Variants in IFT80 observed in about 807,000 individuals in gnomAD.
The protein encoded by IFT80 is intraflagellar transport protein 80 homolog.
A neutral mutation model predicts 107.9 loss-of-function variants in IFT80; 79 were observed. The ratio of observed to expected loss-of-function variants is 0.73; its 90% confidence interval spans 0.61 to 0.88. The LOEUF is 0.88. Ranked by LOEUF, IFT80 falls within the 40% of genes least tolerant of loss-of-function variation. The probability of loss-of-function intolerance (pLI) is 0.00; values close to 1 mark genes in which losing one functional copy is unlikely to be tolerated. For missense variants in IFT80, 797 were observed against 914.2 expected, an observed-to-expected ratio of 0.87 and a Z score of 1.65; for synonymous variants, 299 against 300.9, an observed-to-expected ratio of 0.99 and a Z score of 0.07.
chr3:160,334,658 G>A (rs1000291454), intron 8 of IFT80, among the ~76,000 whole-genome samples: 19 of 152,016 alleles, frequency 1.2e-4, no homozygotes, highest in Middle Eastern at 3.2e-3. Context: ...CTTGTGATCC[G>A]CCCTCCTCAG....
At chr3:160,398,797 T>C (rs1714095045) in intron 1 of IFT80, among the ~76,000 whole-genome samples, 1 of 152,312 alleles carries the variant, frequency 6.6e-6, no homozygotes, top group South Asian at 2.1e-4. Flanking sequence ...AAAATAACCA[T>C]AACACTGGCG....
At chr3:160,308,908 T>C (rs977520506) in intron 9 of IFT80, among the ~76,000 whole-genome samples, 2 of 152,190 alleles carry the variant, frequency 1.3e-5, no homozygotes, top group African/African-American at 2.4e-5. Context: ...AGAGCTGCCT[T>C]GCCCATTCCA....
At chr3:160,397,015 C>A (rs889387273) in intron 1 of IFT80, among the ~76,000 whole-genome samples, 2 of 152,166 alleles carry the variant, frequency 1.3e-5, no homozygotes, top group Non-Finnish European at 2.9e-5. Flanking sequence ...GGCCATCAGT[C>A]AGTTGATTTA....
intron 6 of IFT80, among the ~76,000 whole-genome samples, chr3:160,358,759 A>G (rs979519671): frequency 2.6e-5 from 4 of 152,270 alleles, no homozygotes; most frequent in South Asian, 2.1e-4. Context: ...AATTTAGGGT[A>G]TCAACATATA....
At chr3:160,263,266 CTTAAA>C (rs1484246242) in intron 19 of IFT80, among the ~76,000 whole-genome samples, 1 of 152,154 alleles carries the variant, frequency 6.6e-6, no homozygotes, top group African/African-American at 2.4e-5. Context: ...TAAAATTTTT[CTTAAA>C]TTAATCGTAC....
chr3:160,298,812 C>G (rs1471625902), intron 12 of IFT80, among the ~76,000 whole-genome samples: 1 of 152,088 alleles, frequency 6.6e-6, no homozygotes, highest in African/African-American at 2.4e-5. Context: ...CAGCAAGTTA[C>G]TGTACTGAAT....
At chr3:160,383,365 G>A (rs1175120782) in intron 2 of IFT80, 1 of 656,958 alleles carries the variant, frequency 1.5e-6, no homozygotes, top group African/African-American at 2.0e-5. Context: ...TATTTAAGGG[G>A]GAATAAAAAT....
chr3:160,271,476 G>A (rs1713803157), intron 18 of IFT80, among the ~76,000 whole-genome samples: 1 of 152,080 alleles, frequency 6.6e-6, no homozygotes, highest in Non-Finnish European at 1.5e-5. Flanking sequence ...TGCATATTTA[G>A]AGTTTCTAGT....
chr3:160,270,498 A>G (rs2108213521), intron 18 of IFT80, among the ~76,000 whole-genome samples: 1 of 152,312 alleles, frequency 6.6e-6, no homozygotes, highest in African/African-American at 2.4e-5. Context: ...ATTGACATAC[A>G]CTGTATTGTG....
chr3:160,312,635 TAA>T (rs1717380544), intron 9 of IFT80, among the ~76,000 whole-genome samples: 2 of 55,858 alleles, frequency 3.6e-5, no homozygotes, highest in Admixed American at 6.3e-4. Flanking sequence ...ATATATATAA[TAA>T]ATATATATTA....
chr3:160,357,845 G>A (rs576091641), intron 6 of IFT80, among the ~76,000 whole-genome samples: 2 of 152,272 alleles, frequency 1.3e-5, no homozygotes, highest in Admixed American at 6.5e-5. Context: ...GATGGAAAAT[G>A]ACTTGCTGCT....
rs886058128 is a variant in IFT80, at chr3:160,258,421, C to T, written c.*104G>A. 3.3e-5 allele frequency: 46 copies of T among 1,389,406 alleles called. No individual in the cohort carries two copies. The highest frequency in any genetic ancestry group is 4.3e-5 in the Non-Finnish European group (43 of 996,884). The allele number at this position is 1,389,406 out of a possible 1,614,324, so 86.1% of individuals were successfully genotyped here. Reference sequence around the variant, plus strand: ...TAAATACACAGCAAGTACTTATACTCGGTTAAAGATTATGCTTTTTTCTTT... The same window carrying T: ...TAAATACACAGCAAGTACTTATACTTGGTTAAAGATTATGCTTTTTTCTTT... On this transcript the variant is annotated 3_prime_UTR_variant, in exon 20 of 20. Transcript: ENST00000326448.
chr3:160,337,975 G>A (rs1043492084), intron 8 of IFT80, among the ~76,000 whole-genome samples: 4 of 151,932 alleles, frequency 2.6e-5, no homozygotes, highest in African/African-American at 9.7e-5. Context: ...CGTTGCTTTG[G>A]GCGTCATCTT....
At chr3:160,304,853 C>G (rs982467926) in intron 10 of IFT80, among the ~76,000 whole-genome samples, 1 of 152,132 alleles carries the variant, frequency 6.6e-6, no homozygotes, top group Non-Finnish European at 1.5e-5. Flanking sequence ...ACCAGAAAAA[C>G]AGAAACTGTA....
chr3:160,379,190 A>T lies in IFT80; in HGVS notation c.260-1650T>A, dbSNP rs375919454. On this transcript the variant is annotated intron_variant, in intron 3 of 19. Transcript: ENST00000326448. ...TATAAATTGAATCTAATCATGAGGA[A>T]ACATCAGACAAAAACAAATTGAAGA... Among the ~76,000 whole-genome samples, 27 of 152,296 alleles carry T rather than the reference A, an allele frequency of 1.8e-4. No homozygotes were observed. The East Asian group carries it at 3.3e-3, about 18-fold the overall frequency.
chr3:160,289,453 CAA>C (rs977068722), intron 12 of IFT80, among the ~76,000 whole-genome samples: 1 of 152,018 alleles, frequency 6.6e-6, no homozygotes, highest in Non-Finnish European at 1.5e-5. Context: ...GAACCTAAAA[CAA>C]AAGTTTTATT....
intron 17 of IFT80, 45 bp from the exon 18 acceptor site, chr3:160,277,523 A>G: frequency 2.5e-6 from 4 of 1,575,586 alleles, no homozygotes; most frequent in Non-Finnish European, 3.5e-6. Context: ...TAACAGAAAT[A>G]TAATAAATTA....
At chr3:160,329,824 CT>C (rs144967861) in intron 8 of IFT80, among the ~76,000 whole-genome samples, 29,870 of 151,434 alleles carry the variant, frequency 0.2, 3,487 homozygotes, top group Non-Finnish European at 0.26. Context: ...AAATTGTATG[CT>C]TTTTTTTTCT....
intron 9 of IFT80, among the ~76,000 whole-genome samples, chr3:160,309,443 C>T (rs1230828392): frequency 6.6e-6 from 1 of 152,182 alleles, no homozygotes; most frequent in Non-Finnish European, 1.5e-5. Flanking sequence ...GTCATCCTAG[C>T]ACTTTGGGAG....
Sources: allele counts gnomAD v4.1 joint callset (sites outside exome capture counted in the v4.1 genomes callset), GRCh38; gene constraint gnomAD v4.1.1; transcripts MANE v1.5; gene names NCBI Gene and HGNC (gene_info 2026-07-23, HGNC 2026-07-21).